NECTIN1: variants seen among roughly 807,000 people sequenced by gnomAD.
NECTIN1 encodes the protein nectin cell adhesion molecule 1.
A neutral mutation model predicts 48.0 loss-of-function variants in NECTIN1; 23 were observed. The observed-to-expected ratio is 0.48, with a 90% CI of 0.34 to 0.68. The LOEUF is 0.68. Ranked by LOEUF, NECTIN1 falls within the 30% of genes least tolerant of loss-of-function variation. The pLI, the probability that NECTIN1 is intolerant of heterozygous loss-of-function variation, is 0.01. For synonymous variants in NECTIN1, 270 were observed against 288.9 expected (o/e 0.93, Z 0.66); for missense variants, 591 against 709.9 (o/e 0.83, Z 1.90).
rs922455589 is a variant in NECTIN1 at position 119,677,415 on chromosome 11, G to A, written c.733+140C>T. On this transcript the variant is annotated intron_variant, in intron 3 of 5. Coordinates refer to ENST00000264025, the MANE Select transcript of NECTIN1 (RefSeq NM_002855.5). The surrounding 1 kb of genome is among the most constrained non-coding windows in gnomAD (Gnocchi z 5.4). ...GCGACAGGGAAGGAGGAGAGAAAAC[G>A]AGCAAAGGGAGGAGATAGGGGAGAC... The A allele has an allele frequency of 2.1e-5, 24 of 1,116,752 alleles. No individual in the cohort carries two copies. The highest frequency in any genetic ancestry group is 1.1e-4 in the Admixed American group (6 of 52,748). The allele number at this position is 1,116,752 out of a possible 1,614,324, so 69.2% of individuals were successfully genotyped here.
intron 5 of NECTIN1, among the ~76,000 whole-genome samples, chr11:119,645,031 C>A (rs1201959146): frequency 6.6e-6 from 1 of 152,214 alleles, no homozygotes; most frequent in Non-Finnish European, 1.5e-5. Context: ...CTCCCCAGGG[C>A]AGCCACTTGG....
At chr11:119,696,281 T>TC (rs567318643) in intron 1 of NECTIN1, among the ~76,000 whole-genome samples, 117 of 152,190 alleles carry the variant, frequency 7.7e-4, no homozygotes, top group Admixed American at 2.6e-3. Flanking sequence ...CAGGTTGGTG[T>TC]CCCCCGCACA....
At chr11:119,645,437 C>G (rs567919777) in intron 5 of NECTIN1, among the ~76,000 whole-genome samples, 4 of 152,246 alleles carry the variant, frequency 2.6e-5, no homozygotes, top group African/African-American at 9.6e-5. Context: ...AACCCAGGAC[C>G]CCATCCACAG....
chr11:119,715,343 C>T (rs1865727320), intron 1 of NECTIN1, among the ~76,000 whole-genome samples: 1 of 152,022 alleles, frequency 6.6e-6, no homozygotes, highest in Non-Finnish European at 1.5e-5. Flanking sequence ...CAAGTGGGCT[C>T]AGGTTAGTTT....
rs1865130007 is a variant in NECTIN1, at chr11:119,684,944, C to A, written c.80-6179G>T. On this transcript the variant is annotated intron_variant, in intron 1 of 5. Coordinates refer to ENST00000264025, the MANE Select transcript of NECTIN1 (RefSeq NM_002855.5). The surrounding 1 kb of genome is among the most constrained non-coding windows in gnomAD (Gnocchi z 5.2). ...TTCACGGGTGCCCAGGCTGCCCCCT[C>A]CTGCCTCCAGACTCCCCTCTACACT... 2.0e-5 allele frequency among the ~76,000 whole-genome samples: 3 copies of A among 152,134 alleles called. No homozygotes were observed. The highest frequency in any genetic ancestry group is 7.2e-5 in the African/African-American group (3 of 41,418).
At chr11:119,710,511 T>C (rs1310612870) in intron 1 of NECTIN1, among the ~76,000 whole-genome samples, 1 of 152,026 alleles carries the variant, frequency 6.6e-6, no homozygotes, top group African/African-American at 2.4e-5. Context: ...ACTGCTACGG[T>C]AGGACTGTTC....
exon 6 of NECTIN1, chr11:119,639,894 C>T (rs1003768754): frequency 6.2e-7 from 1 of 1,614,044 alleles, no homozygotes; most frequent in Non-Finnish European, 8.5e-7. Flanking sequence ...GTGGGCTCTT[C>T]TGCTGCCGGT....
In NECTIN1 at chr11:119,661,377, GCCT is replaced by G. The variant is rs1232949758; in HGVS notation, c.*3367_*3369del. 6.1e-6 allele frequency: 6 copies of G among 986,372 alleles called. No individual in the cohort carries two copies. In the South Asian group the frequency reaches 2.8e-4, roughly 46 times the overall value. 61.1% of individuals were successfully genotyped at this position (986,372 alleles called of 1,614,324 possible). A position where few individuals can be genotyped will look rare whatever the true frequency, so the allele number is the denominator to read the frequency against. On this transcript the variant is annotated 3_prime_UTR_variant, in exon 6 of 6. Transcript: ENST00000264025. ...TGGCAGCAGTGGCAGCAGCAGAGGG[GCCT>G]GCCTCCTGGCATCCCCGGTACTGGG...
Position 119,678,349 on chromosome 11 carries a change from G to C in NECTIN1, c.430+66C>G, listed in dbSNP as rs1006852053. 2.1e-5 allele frequency: 30 copies of C among 1,442,958 alleles called. No homozygotes were observed. Among genetic ancestry groups the C allele is most frequent in the Non-Finnish European group, 2.9e-5 (30 of 1,027,126 alleles). 89.4% of individuals were successfully genotyped at this position (1,442,958 alleles called of 1,614,324 possible). ...ATGTCTGGGGTCATTGAGGCATCCTGAGGATGGCCACGCCCCGAGGTCACA... is the reference window on the plus strand; with the variant it reads ...ATGTCTGGGGTCATTGAGGCATCCTCAGGATGGCCACGCCCCGAGGTCACA... On this transcript the variant is annotated intron_variant, in intron 2 of 5. Transcript: ENST00000264025. The surrounding 1 kb of genome is among the most constrained non-coding windows in gnomAD (Gnocchi z 4.4).
chr11:119,640,720 C>G (rs1317629991), intron 5 of NECTIN1: 2 of 152,280 alleles, frequency 1.3e-5, no homozygotes, highest in African/African-American at 4.8e-5. Flanking sequence ...ACCCTGTGGC[C>G]AGGGGCACAT....
In NECTIN1 at chr11:119,677,812, G is replaced by C; in HGVS notation, c.476C>G (p.Ala159Gly). 6.2e-7 allele frequency: 1 copy of C among 1,614,136 alleles called. No individual in the cohort carries two copies. The highest frequency in any genetic ancestry group is 1.1e-5 in the South Asian group (1 of 91,070). The change falls in exon 3 of 6, where the codon GCC becomes GGC. Residue 159 changes from alanine to glycine, a missense_variant. Ala to Gly is a moderately conservative substitution (Grantham distance 60). Transcript: ENST00000264025. This position sits in a 1 kb window ranked among gnomAD's most constrained non-coding sequence, Gnocchi z 5.4. ...GACCTTGTCATCCTGCCCCTTCTTG[G>C]CTCGAAGCACTGCCTGGGTACCCTC... ...WIEGTQAVLR[A>G]KKGQDDKVLV...
At chr11:119,648,578 A>G (rs965758826) in intron 5 of NECTIN1, among the ~76,000 whole-genome samples, 1 of 151,208 alleles carries the variant, frequency 6.6e-6, no homozygotes, top group Non-Finnish European at 1.5e-5. Context: ...CGGGCCTGAG[A>G]CTGTTTCTGT....
intron 1 of NECTIN1, among the ~76,000 whole-genome samples, chr11:119,688,459 G>A (rs764626081): frequency 6.6e-6 from 1 of 151,838 alleles, no homozygotes; most frequent in African/African-American, 2.4e-5. Flanking sequence ...CTGTCCTGTT[G>A]TGGGGGGCTG....
At chr11:119,639,443 G>A (rs889513059) in intron 6 of NECTIN1, 1 of 233,388 alleles carries the variant, frequency 4.3e-6, no homozygotes, top group Admixed American at 5.2e-5. Flanking sequence ...TGATGGTTGA[G>A]GGTTTTGGCT....
Position 119,683,574 on chromosome 11 carries a change from GT to G in NECTIN1, c.80-4810del, listed in dbSNP as rs1591463251. On this transcript the variant is annotated intron_variant, in intron 1 of 5. Coordinates refer to ENST00000264025, the MANE Select transcript of NECTIN1 (RefSeq NM_002855.5). The surrounding 1 kb of genome is among the most constrained non-coding windows in gnomAD (Gnocchi z 4.0). Reference sequence around the variant, plus strand: ...GAAACAGGGGCTTTGGGGATCCCGGGTGTGTGTGTGTGTGTGTGTGTGTGTG... The same window carrying G: ...GAAACAGGGGCTTTGGGGATCCCGGGGTGTGTGTGTGTGTGTGTGTGTGTG... 2.7e-5 allele frequency among the ~76,000 whole-genome samples: 1 copy of G among 37,138 alleles called. No homozygotes were observed. The highest frequency in any genetic ancestry group is 1.1e-4 in the African/African-American group (1 of 8,928). The allele number at this position is 37,138 out of a possible 152,430, so 24.4% of individuals were successfully genotyped here. A position where few individuals can be genotyped will look rare whatever the true frequency, so the allele number is the denominator to read the frequency against.
rs1031377964 is a variant in NECTIN1 at position 119,661,474 on chromosome 11, G to A, written c.*3273C>T. On this transcript the variant is annotated 3_prime_UTR_variant, in exon 6 of 6. Transcript: ENST00000264025. ...CCCACCTGCCCCTCACTAGGAGAGG[G>A]TTTCTGTTGGCAGTCAGGCTTTGGG... is the stretch of plus-strand genomic sequence containing the variant. 3 of 985,834 alleles carry A rather than the reference G, an allele frequency of 3.0e-6. No individual in the cohort carries two copies. The African/African-American group carries it at 5.2e-5, about 17-fold the overall frequency. The allele number at this position is 985,834 out of a possible 1,614,324, so 61.1% of individuals were successfully genotyped here. A position where few individuals can be genotyped will look rare whatever the true frequency, so the allele number is the denominator to read the frequency against.
rs1410411832 is a variant in NECTIN1 at position 119,664,967 on chromosome 11, C to A, written c.1334G>T (p.Gly445Val). 25 of 1,610,508 alleles carry A rather than the reference C, an allele frequency of 1.6e-5. No individual in the cohort carries two copies. Among genetic ancestry groups the A allele is most frequent in the African/African-American group, 1.3e-5 (1 of 74,652 alleles). ...SYEEEEEEEEGGGGGERKVGG... is the reference protein window; with the variant it reads ...SYEEEEEEEEVGGGGERKVGG... The stretch of plus-strand genomic sequence containing the variant: ...CACCTTGCGCTCGCCCCCTCCACCG[C>A]CCTCCTCCTCCTCCTCCTCCTCCTC... The change falls in exon 6 of 6, where the codon GGC (glycine) becomes GTC (valine). Residue 445 changes from glycine to valine, a missense_variant. Physicochemically the swap from Gly to Val is moderately radical, Grantham distance 109 (BLOSUM62 -3). Transcript: ENST00000264025.
chr11:119,654,016 T>C (rs894603501), intron 5 of NECTIN1: 1 of 152,208 alleles, frequency 6.6e-6, no homozygotes, highest in Non-Finnish European at 1.5e-5. Context: ...CTCTTTCCTT[T>C]CACCAGGTTT....
intron 1 of NECTIN1, among the ~76,000 whole-genome samples, chr11:119,712,356 C>T (rs997302118): frequency 1.7e-5 from 2 of 118,412 alleles, no homozygotes; most frequent in Non-Finnish European, 4.0e-5. Flanking sequence ...CAGTTCAGGC[C>T]CCCGAGTCTC....
Sources: gnomAD v4.1 joint callset for allele counts (sites outside exome capture counted in the v4.1 genomes callset) on GRCh38, gnomAD v4.1.1 for gene constraint, Gnocchi (gnomAD v3.1) non-coding constraint, MANE v1.5 for transcripts, NCBI Gene and HGNC (gene_info 2026-07-23, HGNC 2026-07-21) for gene names.